KAZALD1: variants seen among roughly 807,000 people sequenced by gnomAD.
The protein encoded by KAZALD1 is kazal-type serine protease inhibitor domain-containing protein 1.
A neutral mutation model predicts 27.7 loss-of-function variants in KAZALD1; 31 were observed. The ratio of observed to expected loss-of-function variants is 1.12; its 90% CI spans 0.84 to 1.51. The LOEUF (loss-of-function observed/expected upper bound fraction) is 1.51, where lower values mean the gene tolerates loss of function less well. KAZALD1 is among the 40% of genes most tolerant of loss of function. KAZALD1 has a pLI of 0.00. For synonymous variants in KAZALD1, 179 were observed against 182.0 expected (o/e 0.98, Z 0.13); for missense variants, 444 against 408.9 (o/e 1.09, Z -0.74).
At position 101,066,765 on chromosome 10, in the gene KAZALD1, A is replaced by G. The variant is rs569132195; in HGVS notation, c.*1845A>G. 1.2e-4 allele frequency: 41 copies of G among 342,650 alleles called. No individual in the cohort carries two copies. Among genetic ancestry groups the G allele is most frequent in the Non-Finnish European group, 2.1e-4 (37 of 173,614 alleles). The allele number at this position is 342,650 out of a possible 1,614,324, so 21.2% of individuals were successfully genotyped here. A position where few individuals can be genotyped will look rare whatever the true frequency, so the allele number is the denominator to read the frequency against. On this transcript the variant is annotated 3_prime_UTR_variant, in exon 5 of 5. Transcript: ENST00000370200. Reference sequence around the variant, plus strand: ...CTCACCAAAAGCCCCACCCCACCGGAGAGGGTCACGCAGGTCCCGGGGAAT... The same window carrying G: ...CTCACCAAAAGCCCCACCCCACCGGGGAGGGTCACGCAGGTCCCGGGGAAT...
At position 101,066,412 on chromosome 10, in the gene KAZALD1, G is replaced by A. The variant is rs755124477; in HGVS notation, c.*1492G>A. On this transcript the variant is annotated 3_prime_UTR_variant, in exon 5 of 5. Coordinates refer to ENST00000370200, the MANE Select transcript of KAZALD1 (RefSeq NM_030929.5). ...CTCCATCTACTGCTGGCTTGCCCCG[G>A]GTCCTTAAGCCAGCGACAGTTTTTA... The A allele has an allele frequency of 2.7e-4, 122 of 456,640 alleles. 3 individuals carry two copies. The highest frequency in any genetic ancestry group is 1.8e-3 in the South Asian group (119 of 64,576). The allele number at this position is 456,640 out of a possible 1,614,324, so 28.3% of individuals were successfully genotyped here. A position where few individuals can be genotyped will look rare whatever the true frequency, so the allele number is the denominator to read the frequency against.
rs1831385713 is a variant in KAZALD1, at chr10:101,064,347, A to G, written c.598A>G (p.Met200Val). 6.2e-7 allele frequency: 1 copy of G among 1,614,124 alleles called. No homozygotes were observed. The change falls in exon 3 of 5, where the codon ATG becomes GTG. Residue 200 changes from methionine (M) to valine (V), a missense_variant. Transcript: ENST00000370200. Reference sequence around the variant, plus strand: ...TGGCTGTGAAGTGTTTGCCTACCCCATGGCCTCCATCGAGTGGAGGAAGGA... The same window carrying G: ...TGGCTGTGAAGTGTTTGCCTACCCCGTGGCCTCCATCGAGTGGAGGAAGGA... The part of the protein sequence containing the change: ...IFGCEVFAYP[M>V]ASIEWRKDGL...
At position 101,062,728 on chromosome 10, in the gene KAZALD1, C is replaced by T. The variant is rs1299737145; in HGVS notation, c.136C>T (p.Leu46=). ...TTACCTGCGGCGCGGCTGGATGCGG[C>T]TGCTAGCGGAGGGCGAGGGCTGCGC... is the stretch of plus-strand genomic sequence containing the variant. ...PDYLRRGWMR[L]LAEGEGCAPC... Residue 46 remains leucine (L), a synonymous_variant, in exon 2 of 5, where the codon CTG becomes TTG. Coordinates refer to ENST00000370200, the MANE Select transcript of KAZALD1 (RefSeq NM_030929.5). 1 of 1,537,862 alleles carries T rather than the reference C, an allele frequency of 6.5e-7. No homozygotes were observed. The highest frequency in any genetic ancestry group is 2.5e-5 in the East Asian group (1 of 39,756).
Position 101,065,128 on chromosome 10 carries a change from C to A in KAZALD1, c.*208C>A, listed in dbSNP as rs557969681. 1.6e-4 allele frequency: 91 copies of A among 567,890 alleles called. No homozygotes were observed. The highest frequency in any genetic ancestry group is 1.4e-3 in the African/African-American group (77 of 53,284). 35.2% of individuals were successfully genotyped at this position (567,890 alleles called of 1,614,324 possible). On this transcript the variant is annotated 3_prime_UTR_variant, in exon 5 of 5. Transcript: ENST00000370200. ...AGGAGGGTAGGGAGAGAAGCTGAGA[C>A]CAGGACCGGTGGGGTACAAAGGGGC...
Position 101,062,134 on chromosome 10 carries a change from A to G in KAZALD1, c.-52+19A>G, listed in dbSNP as rs1381439153. 2 of 188,044 alleles carry G rather than the reference A, an allele frequency of 1.1e-5. No individual in the cohort carries two copies. Among genetic ancestry groups the G allele is most frequent in the Non-Finnish European group, 2.2e-5 (2 of 91,456 alleles). The allele number at this position is 188,044 out of a possible 1,614,324, so 11.6% of individuals were successfully genotyped here. On this transcript the variant is annotated intron_variant, in intron 1 of 4. Transcript: ENST00000370200. ...ACACTAGGTGAGCACTCTGTGCCCC[A>G]GGCCATAAGCGAGGCGGCATCAGCC...
chr10:101,067,128 G>T (rs147633015), downstream of KAZALD1: 3,973 of 357,790 alleles, frequency 0.011, 135 homozygotes, highest in African/African-American at 0.079. Flanking sequence ...TGCTCCCGGG[G>T]GAAGGCAGGG....
At position 101,062,778 on chromosome 10, in the gene KAZALD1, C is replaced by G; in HGVS notation, c.186C>G (p.Ala62=). 5 of 1,554,034 alleles carry G rather than the reference C, an allele frequency of 3.2e-6. No homozygotes were observed. The highest frequency in any genetic ancestry group is 4.3e-6 in the Non-Finnish European group (5 of 1,159,570). Residue 62 remains alanine (A), a synonymous_variant, in exon 2 of 5, where the codon GCC becomes GCG. Coordinates refer to ENST00000370200, the MANE Select transcript of KAZALD1 (RefSeq NM_030929.5). ...GCAPCRPEEC[A]APRGCLAGRV... ...CTCCCTGCCGGCCAGAAGAGTGCGC[C>G]GCGCCGCGGGGCTGCCTGGCGGGCA...
At position 101,066,853 on chromosome 10, in the gene KAZALD1, C is replaced by T; in HGVS notation, c.*1933C>T. ...TTCAGGAGCAGCCTCCTAGCAGCCT[C>T]AGTTTTCCCCTCCCCGCCCTGCTGG... On this transcript the variant is annotated 3_prime_UTR_variant, in exon 5 of 5. Transcript: ENST00000370200. 3.1e-6 allele frequency: 1 copy of T among 317,760 alleles called. No homozygotes were observed. Among genetic ancestry groups the T allele is most frequent in the South Asian group, 2.6e-5 (1 of 38,518 alleles). The allele number at this position is 317,760 out of a possible 1,614,324, so 19.7% of individuals were successfully genotyped here. A position where few individuals can be genotyped will look rare whatever the true frequency, so the allele number is the denominator to read the frequency against.
At chr10:101,064,170 A>G (rs534139713) in intron 2 of KAZALD1, 91 bp from the exon 3 acceptor site, 4 of 1,395,788 alleles carry the variant, frequency 2.9e-6, no homozygotes, top group South Asian at 2.5e-5. Context: ...TGCCACAAGC[A>G]TGTCCACAAA....
In KAZALD1 at chr10:101,062,697, C is replaced by T. The variant is rs757058944; in HGVS notation, c.105C>T (p.Gly35=). The part of the protein sequence containing the change: ...PPPTGARPSP[G]PDYLRRGWMR... ...CGACCGGCGCAAGGCCATCCCCAGGCCCAGATTACCTGCGGCGCGGCTGGA... is the reference window on the plus strand; with the variant it reads ...CGACCGGCGCAAGGCCATCCCCAGGTCCAGATTACCTGCGGCGCGGCTGGA... Residue 35 remains glycine, a synonymous_variant, in exon 2 of 5, where the codon GGC becomes GGT. Transcript: ENST00000370200. The T allele has an allele frequency of 1.3e-6, 2 of 1,535,748 alleles. No individual in the cohort carries two copies. The highest frequency in any genetic ancestry group is 1.2e-5 in the South Asian group (1 of 85,080).
At position 101,062,585 on chromosome 10, in the gene KAZALD1, C is replaced by G; in HGVS notation, c.-8C>G. Reference sequence around the variant, plus strand: ...TGCCCCGAGTGCTCGCAGGGCTTCCCGCTAACCATGCTGCCGCCGCCGCGG... The same window carrying G: ...TGCCCCGAGTGCTCGCAGGGCTTCCGGCTAACCATGCTGCCGCCGCCGCGG... On this transcript the variant is annotated 5_prime_UTR_variant, in exon 2 of 5. Coordinates refer to ENST00000370200, the MANE Select transcript of KAZALD1 (RefSeq NM_030929.5). 1 of 1,584,608 alleles carries G rather than the reference C, an allele frequency of 6.3e-7. No individual in the cohort carries two copies. Among genetic ancestry groups the G allele is most frequent in the Non-Finnish European group, 8.5e-7 (1 of 1,174,540 alleles).
chr10:101,063,754 T>C (rs1223269779), intron 2 of KAZALD1, among the ~76,000 whole-genome samples: 1 of 152,232 alleles, frequency 6.6e-6, no homozygotes, highest in East Asian at 1.9e-4. Context: ...GCAGGCTTCC[T>C]GCCTGTCGCA....
intron 2 of KAZALD1, 61 bp from the exon 3 acceptor site, chr10:101,064,200 T>C (rs1351201456): frequency 6.3e-7 from 1 of 1,594,156 alleles, no homozygotes; most frequent in Non-Finnish European, 8.6e-7. Flanking sequence ...ATCATGTCTT[T>C]GCCAGACTGG....
Position 101,066,909 on chromosome 10 carries a change from T to C in KAZALD1, c.*1989T>C, listed in dbSNP as rs1277482402. 3 of 315,984 alleles carry C rather than the reference T, an allele frequency of 9.5e-6. No homozygotes were observed. The highest frequency in any genetic ancestry group is 6.6e-5 in the African/African-American group (3 of 45,576). 19.6% of individuals were successfully genotyped at this position (315,984 alleles called of 1,614,324 possible). ...GCACCACAGCCTGGAATGGGAGAAC[T>C]GTTGTCCACCGCCCCCTCCCTCCCC... On this transcript the variant is annotated 3_prime_UTR_variant, in exon 5 of 5. Coordinates refer to ENST00000370200, the MANE Select transcript of KAZALD1 (RefSeq NM_030929.5).
At chr10:101,062,448 G>C (rs1664635356) in intron 1 of KAZALD1, 94 bp from the exon 2 acceptor site, 1 of 1,265,708 alleles carries the variant, frequency 7.9e-7, no homozygotes, top group Admixed American at 2.4e-5. Flanking sequence ...AGGGGGCGAT[G>C]CTAGTGTCAT....
chr10:101,062,468 CAAGAAGCAGTGAGGTT>C, intron 1 of KAZALD1, 58 bp from the exon 2 acceptor site: 1 of 1,411,334 alleles, frequency 7.1e-7, no homozygotes, highest in Non-Finnish European at 9.4e-7. Context: ...TGCTTTGGTA[CAAGAAGCAGTGAGGTT>C]GGTCTTTCGG....
rs2134238813 is a variant in KAZALD1 at position 101,062,673 on chromosome 10, G to GCCGC, written c.81_82insCCGC (p.Thr28ProfsTer81). ...TGCTGGTGGTGCTGACGCCGCCCCC[G>GCCGC]ACCGGCGCAAGGCCATCCCCAGGCC... On this transcript the variant is annotated frameshift_variant, in exon 2 of 5. Transcript: ENST00000370200. LOFTEE classifies it high-confidence loss of function. The GCCGC allele has an allele frequency of 4.5e-6, 7 of 1,548,434 alleles. No individual in the cohort carries two copies. Among genetic ancestry groups the GCCGC allele is most frequent in the Non-Finnish European group, 6.1e-6 (7 of 1,155,144 alleles).
At position 101,062,955 on chromosome 10, in the gene KAZALD1, G is replaced by A. The variant is rs1939204939; in HGVS notation, c.363G>A (p.Val121=). The change falls in exon 2 of 5, where the codon GTG becomes GTA. Residue 121 remains valine (V), a synonymous_variant. Coordinates refer to ENST00000370200, the MANE Select transcript of KAZALD1 (RefSeq NM_030929.5). Reference sequence around the variant, plus strand: ...GCGGCGACCTGAGCCGCGGAGAGGTGCCGGAACCTCTGTGTGCCTGTCGTT... The same window carrying A: ...GCGGCGACCTGAGCCGCGGAGAGGTACCGGAACCTCTGTGTGCCTGTCGTT... ...DTGGDLSRGE[V]PEPLCACRSQ... is the part of the protein sequence containing the mutation. 1 of 1,601,924 alleles carries A rather than the reference G, an allele frequency of 6.2e-7. No homozygotes were observed. The highest frequency in any genetic ancestry group is 1.7e-5 in the Admixed American group (1 of 59,906).
chr10:101,064,464 T>C lies in KAZALD1; in HGVS notation c.673-37T>C, dbSNP rs778400664. 14 of 1,614,106 alleles carry C rather than the reference T, an allele frequency of 8.7e-6. No homozygotes were observed. In the South Asian group the frequency reaches 1.5e-4, roughly 18 times the overall value. ...GCTTCCCTCAGGCAGCCCAGGGCCC[T>C]CCAGAAGGACCCTGCTGATTCCTTG... On this transcript the variant is annotated intron_variant, in intron 3 of 4. Coordinates refer to ENST00000370200, the MANE Select transcript of KAZALD1 (RefSeq NM_030929.5).
Sources: allele counts gnomAD v4.1 joint callset (sites outside exome capture counted in the v4.1 genomes callset), GRCh38; gene constraint gnomAD v4.1.1; transcripts MANE v1.5; gene names NCBI Gene and HGNC (gene_info 2026-07-23, HGNC 2026-07-21).